Variants in PRKG1 observed in about 807,000 individuals in gnomAD.
PRKG1 encodes the protein protein kinase cGMP-dependent 1.
In PRKG1, 35 loss-of-function variants were observed where a neutral mutation model predicts 88.1. The ratio of observed to expected loss-of-function variants is 0.40; its 90% CI spans 0.30 to 0.53. The LOEUF is 0.53. Ranked by LOEUF, PRKG1 falls within the 20% of genes least tolerant of loss-of-function variation. The pLI, the probability that PRKG1 is intolerant of heterozygous loss-of-function variation, is 0.59. For synonymous variants in PRKG1, 303 were observed against 292.5 expected, an observed-to-expected ratio of 1.04 and a Z score of -0.37; for missense variants, 540 against 839.8, an observed-to-expected ratio of 0.64 and a Z score of 4.41.
intron 3 of PRKG1, among the ~76,000 whole-genome samples, chr10:51,658,312 A>G (rs941624507): frequency 3.9e-5 from 6 of 152,118 alleles, no homozygotes; most frequent in Admixed American, 3.9e-4. Context: ...CTGCCACCCA[A>G]TGCAGAAAGA....
At chr10:52,046,377 C>G (rs993013235) in intron 5 of PRKG1, among the ~76,000 whole-genome samples, 3 of 152,012 alleles carry the variant, frequency 2.0e-5, no homozygotes, top group Non-Finnish European at 4.4e-5. Context: ...AGCCCTTCCC[C>G]CTTCTTCCCC....
intron 3 of PRKG1, among the ~76,000 whole-genome samples, chr10:51,653,427 T>C (rs897711768): frequency 6.6e-6 from 1 of 152,204 alleles, no homozygotes; most frequent in Non-Finnish European, 1.5e-5. Flanking sequence ...TAATATCACA[T>C]TGAGGTTTTG....
chr10:51,197,930 C>A (rs1030311134), intron 2 of PRKG1, among the ~76,000 whole-genome samples: 3 of 151,590 alleles, frequency 2.0e-5, no homozygotes, highest in African/African-American at 4.8e-5. Context: ...GACAAACATT[C>A]GACTTTAAAA....
chr10:51,519,551 T>C (rs1021014570), intron 3 of PRKG1, among the ~76,000 whole-genome samples: 2 of 152,174 alleles, frequency 1.3e-5, no homozygotes, highest in Admixed American at 1.3e-4. Context: ...TTTTCATTAC[T>C]CAATAAAATA....
At chr10:51,467,294 G>C (rs1055993646) in intron 2 of PRKG1, among the ~76,000 whole-genome samples, 3 of 151,822 alleles carry the variant, frequency 2.0e-5, no homozygotes, top group Admixed American at 6.6e-5. Context: ...AATGGCAAAG[G>C]GTCAAAGTAA....
At chr10:51,523,530 A>G (rs1352875182) in intron 3 of PRKG1, among the ~76,000 whole-genome samples, 1 of 152,110 alleles carries the variant, frequency 6.6e-6, no homozygotes, top group Non-Finnish European at 1.5e-5. Flanking sequence ...AATATTTTTT[A>G]CTGTTTCTCT....
intron 2 of PRKG1, among the ~76,000 whole-genome samples, chr10:51,309,824 G>A (rs1232456090): frequency 6.6e-6 from 1 of 152,122 alleles, no homozygotes; most frequent in Non-Finnish European, 1.5e-5. Context: ...ATTCATAATA[G>A]CAAAGATATG....
intron 7 of PRKG1, among the ~76,000 whole-genome samples, chr10:52,096,271 C>T (rs1012364625): frequency 6.6e-6 from 1 of 152,174 alleles, no homozygotes; most frequent in Non-Finnish European, 1.5e-5. Context: ...AAAATTTAAA[C>T]ATCTAGGCAC....
At chr10:52,246,658 C>A (rs940694105) in intron 9 of PRKG1, among the ~76,000 whole-genome samples, 64 of 152,120 alleles carry the variant, frequency 4.2e-4, no homozygotes, top group African/African-American at 1.4e-3. Flanking sequence ...AGGCGGATCA[C>A]CTGAGGTCGG....
chr10:51,437,477 G>A (rs1236941564), intron 2 of PRKG1, among the ~76,000 whole-genome samples: 2 of 151,838 alleles, frequency 1.3e-5, no homozygotes, highest in Non-Finnish European at 1.5e-5. Context: ...TTATGGTGTA[G>A]GTCCCTATCT....
intron 5 of PRKG1, among the ~76,000 whole-genome samples, chr10:51,937,331 A>T (rs1842818252): frequency 6.6e-6 from 1 of 151,860 alleles, no homozygotes; most frequent in Non-Finnish European, 1.5e-5. Flanking sequence ...ATAAAAAATA[A>T]ATTAATATGA....
chr10:52,088,407 TGGGTGC>T (rs1380644240), intron 7 of PRKG1, among the ~76,000 whole-genome samples: 1 of 151,960 alleles, frequency 6.6e-6, no homozygotes, highest in Non-Finnish European at 1.5e-5. Context: ...ACTTTCTTGA[TGGGTGC>T]TATGGTTTGA....
intron 1 of PRKG1, among the ~76,000 whole-genome samples, chr10:51,147,257 G>A (rs902906913): frequency 1.3e-5 from 2 of 151,984 alleles, no homozygotes; most frequent in Non-Finnish European, 2.9e-5. Flanking sequence ...ATAATTTATG[G>A]CATATTTTCA....
At chr10:51,531,696 G>A (rs1357807920) in intron 3 of PRKG1, among the ~76,000 whole-genome samples, 3 of 134,014 alleles carry the variant, frequency 2.2e-5, no homozygotes, top group East Asian at 4.2e-4. Flanking sequence ...CCAGGCTGGA[G>A]TGCAATGGCA....
chr10:51,785,117 T>C, intron 3 of PRKG1, among the ~76,000 whole-genome samples: 1 of 147,752 alleles, frequency 6.8e-6, no homozygotes, highest in East Asian at 2.0e-4. Flanking sequence ...CTTCTTGATT[T>C]CTTCTTCTTT....
intron 10 of PRKG1, 93 bp downstream of exon 10, chr10:52,251,759 G>C: frequency 1.9e-6 from 2 of 1,060,838 alleles, no homozygotes; most frequent in Non-Finnish European, 2.8e-6. Context: ...CTCTTGTTTT[G>C]TCTTTCATCA....
chr10:51,790,532 G>A (rs935054270), intron 3 of PRKG1, among the ~76,000 whole-genome samples: 1 of 152,128 alleles, frequency 6.6e-6, no homozygotes, highest in African/African-American at 2.4e-5. Context: ...GTATGGTGAA[G>A]TCAAAATGCT....
chr10:52,259,362 A>T (rs1841381450), intron 10 of PRKG1, among the ~76,000 whole-genome samples: 1 of 152,056 alleles, frequency 6.6e-6, no homozygotes, highest in Non-Finnish European at 1.5e-5. Flanking sequence ...TCAAAGAGGG[A>T]TTCCTTCCAT....
intron 3 of PRKG1, among the ~76,000 whole-genome samples, chr10:51,471,450 C>G (rs138840134): frequency 1.3e-5 from 2 of 151,972 alleles, no homozygotes; most frequent in East Asian, 3.9e-4. Context: ...AGTTCCCACA[C>G]CTGGAAGCAG....
Sources: allele counts gnomAD v4.1 joint callset (sites outside exome capture counted in the v4.1 genomes callset), GRCh38; gene constraint gnomAD v4.1.1; transcripts MANE v1.5; gene names NCBI Gene and HGNC (gene_info 2026-07-23, HGNC 2026-07-21).